The following CSPP1 variants were observed in gnomAD, a reference collection of about 807,000 sequenced individuals.
The protein encoded by CSPP1 is centrosome and spindle pole-associated protein 1.
In CSPP1, 126 loss-of-function variants were observed where a neutral mutation model predicts 164.4. The ratio of observed to expected loss-of-function variants is 0.77; its 90% CI spans 0.66 to 0.89. The LOEUF is 0.89. CSPP1 is among the 40% of genes least tolerant of loss of function. CSPP1 has a pLI of 0.00. For missense variants in CSPP1, 1,395 were observed against 1,449.8 expected, an observed-to-expected ratio of 0.96 and a Z score of 0.61; for synonymous variants, 472 against 476.7, an observed-to-expected ratio of 0.99 and a Z score of 0.13.
chr8:67,171,117 C>T (rs1830384701), intron 24 of CSPP1, among the ~76,000 whole-genome samples: 1 of 142,016 alleles, frequency 7.0e-6, no homozygotes, highest in African/African-American at 2.6e-5. Context: ...AGACGGGGGG[C>T]CGGGTGCAGT....
intron 9 of CSPP1, among the ~76,000 whole-genome samples, chr8:67,106,809 C>T (rs973568238): frequency 1.3e-5 from 2 of 152,066 alleles, no homozygotes; most frequent in South Asian, 2.1e-4. Context: ...ATTCATTCAA[C>T]GTAAAAACAG....
chr8:67,087,049 G>T (rs1417655014), intron 4 of CSPP1, among the ~76,000 whole-genome samples: 1 of 151,834 alleles, frequency 6.6e-6, no homozygotes, highest in Admixed American at 6.6e-5. Context: ...ATAATTTTCC[G>T]TTAATATAGT....
chr8:67,108,859 G>C (rs910579828), intron 9 of CSPP1, among the ~76,000 whole-genome samples: 1 of 152,170 alleles, frequency 6.6e-6, no homozygotes, highest in Non-Finnish European at 1.5e-5. Flanking sequence ...ATAAGAGTGT[G>C]GGATACTGGG....
chr8:67,193,976 A>G (rs1300325511), intron 30 of CSPP1, among the ~76,000 whole-genome samples: 1 of 152,258 alleles, frequency 6.6e-6, no homozygotes, highest in Admixed American at 6.5e-5. Context: ...CTTATGCTGT[A>G]TATTTGCAGT....
rs756718640 is a variant in CSPP1, at chr8:67,083,449, T to G, written c.200-2558T>G. 2.0e-5 allele frequency among the ~76,000 whole-genome samples: 3 copies of G among 148,538 alleles called. No homozygotes were observed. In the East Asian group the frequency reaches 6.0e-4, roughly 30 times the overall value. ...TGAGAGGCTGAGGCAGGAGAATCACTTGAACCTGGGAGGTGGAGGTTGCAG... is the reference window on the plus strand; with the variant it reads ...TGAGAGGCTGAGGCAGGAGAATCACGTGAACCTGGGAGGTGGAGGTTGCAG... On this transcript the variant is annotated intron_variant, in intron 3 of 30. Transcript: ENST00000678616.
chr8:67,126,421 CTG>C (rs1274451370), intron 15 of CSPP1, among the ~76,000 whole-genome samples: 1 of 152,102 alleles, frequency 6.6e-6, no homozygotes, highest in African/African-American at 2.4e-5. Context: ...TTTGTAAAGT[CTG>C]TATTCTTTGT....
intron 30 of CSPP1, among the ~76,000 whole-genome samples, chr8:67,194,677 C>A (rs1480915423): frequency 3.4e-5 from 5 of 147,170 alleles, no homozygotes; most frequent in Non-Finnish European, 6.0e-5. Flanking sequence ...CCTTCACAGA[C>A]CAGGAGAATT....
intron 5 of CSPP1, 21 bp from the exon 6 acceptor site, chr8:67,093,522 C>A: frequency 6.8e-7 from 1 of 1,472,408 alleles, no homozygotes; most frequent in Non-Finnish European, 9.4e-7. Flanking sequence ...TTTAACATTG[C>A]CTTTTGATTT....
chr8:67,161,040 A>T (rs1828246781), intron 21 of CSPP1, among the ~76,000 whole-genome samples: 1 of 152,188 alleles, frequency 6.6e-6, no homozygotes, highest in East Asian at 1.9e-4. Flanking sequence ...GCTGGTCTTG[A>T]ACTCCTGTCC....
intron 9 of CSPP1, 149 bp from the exon 10 acceptor site, chr8:67,111,823 G>T: frequency 2.1e-6 from 1 of 476,360 alleles, no homozygotes. Flanking sequence ...ATTGAAGAAG[G>T]ACTGATTCAT....
intron 8 of CSPP1, 119 bp from the exon 9 acceptor site, chr8:67,105,786 T>TA: frequency 1.6e-6 from 1 of 628,258 alleles, no homozygotes; most frequent in East Asian, 2.8e-5. Flanking sequence ...GTAAATATTT[T>TA]AATGTCCATA....
rs1411749730 is a variant in CSPP1 at position 67,150,060 on chromosome 8, CAT to C, written c.2128+127_2128+128del. The C allele has an allele frequency of 1.8e-5, 17 of 932,794 alleles. No individual in the cohort carries two copies. The East Asian group carries it at 4.3e-4, about 24-fold the overall frequency. 57.8% of individuals were successfully genotyped at this position (932,794 alleles called of 1,614,324 possible). ...AATTTGGCTATCCTGATACAGGAAA[CAT>C]AACACACTATTCATAAAGTGCCTTT... On this transcript the variant is annotated intron_variant, in intron 18 of 30. Transcript: ENST00000678616.
chr8:67,163,535 A>G (rs139718013), intron 22 of CSPP1, among the ~76,000 whole-genome samples, 197 bp from the exon 23 acceptor site: 54 of 152,276 alleles, frequency 3.5e-4, no homozygotes, highest in African/African-American at 1.3e-3. Flanking sequence ...ATAGATTTAC[A>G]TGGTAGATAC....
rs141389465 is a variant in CSPP1 at position 67,103,078 on chromosome 8, A to G, written c.965A>G (p.His322Arg). The stretch of plus-strand genomic sequence containing the variant: ...CGAGGGAATATGCCTCCTATGGAAC[A>G]TGATGGGGATGTTATAGAACAGTCA... ...NKRGNMPPME[H>R]DGDVIEQSNI... is the part of the protein sequence containing the mutation. Residue 322 changes from histidine (H) to arginine (R), a missense_variant, in exon 8 of 31, where the codon CAT (histidine) becomes CGT (arginine). Transcript: ENST00000678616. 2,264 of 1,612,046 alleles carry G rather than the reference A, an allele frequency of 1.4e-3. 7 individuals carry two copies. The highest frequency in any genetic ancestry group is 1.0e-3 in the Non-Finnish European group (1,183 of 1,178,244).
rs1281786117 is a variant in CSPP1 at position 67,088,881 on chromosome 8, AGT to A, written c.303+2773_303+2774del. 9.4e-5 allele frequency among the ~76,000 whole-genome samples: 14 copies of A among 149,328 alleles called. No individual in the cohort carries two copies. In the East Asian group the frequency reaches 2.8e-3, roughly 30 times the overall value. On this transcript the variant is annotated intron_variant, in intron 4 of 30. Coordinates refer to ENST00000678616, the MANE Select transcript of CSPP1 (RefSeq NM_001382391.1). ...CACTGCACTCCAGCCTGGGCGACAG[AGT>A]GAGAATCCGTCTCAAAAAAAAAAAA...
chr8:67,118,501 A>G (rs1438439141), intron 14 of CSPP1, 132 bp downstream of exon 14: 17 of 900,442 alleles, frequency 1.9e-5, no homozygotes, highest in Non-Finnish European at 2.6e-5. Context: ...ATATTGATTT[A>G]ATAAATGCCC....
intron 21 of CSPP1, among the ~76,000 whole-genome samples, chr8:67,160,857 C>T (rs1023902809): frequency 5.3e-5 from 8 of 151,806 alleles, no homozygotes; most frequent in Admixed American, 2.0e-4. Context: ...AATAGAGACT[C>T]GCTTTGTTGC....
At chr8:67,179,239 A>C (rs190020146) in intron 27 of CSPP1, among the ~76,000 whole-genome samples, 125 of 152,178 alleles carry the variant, frequency 8.2e-4, no homozygotes, top group Middle Eastern at 6.8e-3. Context: ...AATAAGCCCA[A>C]TCTTAGCATT....
chr8:67,078,271 C>T (rs538363900), intron 3 of CSPP1, among the ~76,000 whole-genome samples: 60 of 152,098 alleles, frequency 3.9e-4, no homozygotes, highest in Middle Eastern at 6.8e-3. Context: ...TCGTTATGGG[C>T]GAAAGTTAAA....
Sources: gnomAD v4.1 joint callset for allele counts (sites outside exome capture counted in the v4.1 genomes callset) on GRCh38, gnomAD v4.1.1 for gene constraint, MANE v1.5 for transcripts, NCBI Gene and HGNC (gene_info 2026-07-23, HGNC 2026-07-21) for gene names.